Variants in AGTPBP1 observed in about 807,000 individuals in gnomAD.
AGTPBP1 encodes cytosolic carboxypeptidase 1.
AGTPBP1 carries 70 observed loss-of-function variants against 143.9 expected under a neutral mutation model. The ratio of observed to expected loss-of-function variants is 0.49; its 90% CI spans 0.40 to 0.59. AGTPBP1 has a LOEUF of 0.59. Among genes scored for constraint, AGTPBP1 ranks in the 20% least tolerant of loss-of-function variants. The pLI is 0.00. For missense variants in AGTPBP1, 1,229 were observed against 1,464.5 expected, an observed-to-expected ratio of 0.84 and a Z score of 2.62; for synonymous variants, 463 against 500.2, an observed-to-expected ratio of 0.93 and a Z score of 0.99.
At position 85,655,337 on chromosome 9, in the gene AGTPBP1, G is replaced by C. The variant is rs1564110560; in HGVS notation, c.910-17C>G. The C allele has an allele frequency of 6.9e-7, 1 of 1,456,660 alleles. No individual in the cohort carries two copies. The highest frequency in any genetic ancestry group is 9.1e-7 in the Non-Finnish European group (1 of 1,102,270). 90.2% of individuals were successfully genotyped at this position (1,456,660 alleles called of 1,614,324 possible). On this transcript the variant is annotated splice_polypyrimidine_tract_variant and intron_variant, in intron 10 of 25. Coordinates refer to ENST00000357081, the MANE Select transcript of AGTPBP1 (RefSeq NM_001330701.2). ...CAGACATTCCTGTTTTTTAAAAAAA[G>C]AAAAAGAAAAAGAATGTTTTTGATG...
intron 25 of AGTPBP1, among the ~76,000 whole-genome samples, chr9:85,547,830 C>T (rs1298160609): frequency 2.0e-5 from 3 of 152,162 alleles, no homozygotes; most frequent in African/African-American, 7.2e-5. Context: ...ACACTCTACA[C>T]CCAGATTAAT....
intron 10 of AGTPBP1, among the ~76,000 whole-genome samples, chr9:85,657,035 T>TG (rs568371965): frequency 7.8e-6 from 1 of 127,528 alleles, no homozygotes; most frequent in East Asian, 2.3e-4. Flanking sequence ...TGTTGTGGGG[T>TG]GGGGGGAGAG....
intron 13 of AGTPBP1, among the ~76,000 whole-genome samples, chr9:85,633,637 C>A (rs919072131): frequency 3.3e-5 from 5 of 152,018 alleles, no homozygotes; most frequent in African/African-American, 1.2e-4. Context: ...ACTCCAAAAT[C>A]CTATTAGGGA....
intron 2 of AGTPBP1, among the ~76,000 whole-genome samples, chr9:85,697,029 C>A (rs1377218500): frequency 6.6e-6 from 1 of 152,074 alleles, no homozygotes; most frequent in African/African-American, 2.4e-5. Context: ...TACTGTTTTT[C>A]TCCAAATAGT....
the AGTPBP1 span, among the ~76,000 whole-genome samples, chr9:85,795,095 T>A: frequency 6.6e-6 from 1 of 152,162 alleles, no homozygotes; most frequent in Non-Finnish European, 1.5e-5. Context: ...TTTTTTGTTG[T>A]TGTTGATAAA....
chr9:85,592,354 T>C (rs1307818306), intron 19 of AGTPBP1, among the ~76,000 whole-genome samples: 2 of 152,068 alleles, frequency 1.3e-5, no homozygotes, highest in Non-Finnish European at 2.9e-5. Flanking sequence ...ACTAAACCCT[T>C]TTCTTATGTT....
At chr9:85,775,179 C>CT in the AGTPBP1 span, among the ~76,000 whole-genome samples, 5 of 152,176 alleles carry the variant, frequency 3.3e-5, no homozygotes, top group East Asian at 7.7e-4. Context: ...TGGCACGCAC[C>CT]TGTAGTCCCA....
chr9:85,610,637 G>A (rs1016822828), intron 17 of AGTPBP1, among the ~76,000 whole-genome samples: 15 of 151,414 alleles, frequency 9.9e-5, no homozygotes, highest in Non-Finnish European at 1.6e-4. Context: ...CAACCGGCAC[G>A]CCCCAATCAA....
chr9:85,626,551 C>T (rs1012335296), intron 14 of AGTPBP1, among the ~76,000 whole-genome samples: 2 of 152,294 alleles, frequency 1.3e-5, no homozygotes, highest in Non-Finnish European at 1.5e-5. Context: ...ACCAGAATTA[C>T]CATCCTCAAT....
chr9:85,581,844 TC>T (rs1487394320), intron 23 of AGTPBP1, among the ~76,000 whole-genome samples: 1 of 152,168 alleles, frequency 6.6e-6, no homozygotes, highest in Non-Finnish European at 1.5e-5. Context: ...TGTTCCAAAT[TC>T]CAAAATTTTT....
chr9:85,727,137 GCCAA>G (rs1438780020), intron 1 of AGTPBP1, among the ~76,000 whole-genome samples: 3 of 152,106 alleles, frequency 2.0e-5, no homozygotes, highest in African/African-American at 4.8e-5. Context: ...AACCAGCCTG[GCCAA>G]TATGGTGAAA....
the AGTPBP1 span, among the ~76,000 whole-genome samples, chr9:85,776,822 C>A: frequency 4.6e-5 from 7 of 152,122 alleles, no homozygotes; most frequent in African/African-American, 1.7e-4. Context: ...GAACAGGAAG[C>A]AAAAATGTTG....
At chr9:85,641,548 G>A (rs1832467350) in intron 13 of AGTPBP1, among the ~76,000 whole-genome samples, 1 of 151,906 alleles carries the variant, frequency 6.6e-6, no homozygotes, top group South Asian at 2.1e-4. Context: ...CTCAAATCTA[G>A]GGGGAATACC....
intron 17 of AGTPBP1, among the ~76,000 whole-genome samples, chr9:85,616,851 T>C (rs1345358418): frequency 1.3e-5 from 2 of 152,174 alleles, no homozygotes; most frequent in African/African-American, 2.4e-5. Flanking sequence ...AAATGTGAAA[T>C]TGACTGCATC....
chr9:85,700,999 C>T (rs1243231308), intron 2 of AGTPBP1, among the ~76,000 whole-genome samples: 1 of 152,014 alleles, frequency 6.6e-6, no homozygotes, highest in Non-Finnish European at 1.5e-5. Context: ...CTCACTGCAA[C>T]CTCCACCTCT....
chr9:85,757,381 A>C, the AGTPBP1 span, among the ~76,000 whole-genome samples: 1 of 152,056 alleles, frequency 6.6e-6, no homozygotes, highest in African/African-American at 2.4e-5. Context: ...TATATACTTT[A>C]AATTGGTGAA....
chr9:85,649,265 G>A (rs1267715994), intron 11 of AGTPBP1, among the ~76,000 whole-genome samples: 1 of 152,168 alleles, frequency 6.6e-6, no homozygotes, highest in African/African-American at 2.4e-5. Context: ...GAAAGAGTCT[G>A]CACATTCTAT....
intron 25 of AGTPBP1, among the ~76,000 whole-genome samples, chr9:85,572,761 T>C (rs975076119): frequency 1.3e-4 from 20 of 152,182 alleles, no homozygotes; most frequent in African/African-American, 4.3e-4. Context: ...TCAGTGAGAA[T>C]TGACAATTTT....
At chr9:85,761,705 T>C in the AGTPBP1 span, among the ~76,000 whole-genome samples, 1 of 152,074 alleles carries the variant, frequency 6.6e-6, no homozygotes. Flanking sequence ...ATTCAGAACA[T>C]AGGCATGGGC....
Sources: allele counts gnomAD v4.1 joint callset (sites outside exome capture counted in the v4.1 genomes callset), GRCh38; gene constraint gnomAD v4.1.1; transcripts MANE v1.5; gene names NCBI Gene and HGNC (gene_info 2026-07-23, HGNC 2026-07-21).